The following ZNF326 variants were observed in gnomAD, a reference collection of about 807,000 sequenced individuals.
ZNF326 encodes the protein DBIRD complex subunit ZNF326.
ZNF326 carries 30 observed loss-of-function variants against 63.1 expected under a neutral mutation model. The ratio of observed to expected loss-of-function variants is 0.48; its 90% CI spans 0.36 to 0.64. ZNF326 has a LOEUF of 0.64. Among genes scored for constraint, ZNF326 ranks in the 30% least tolerant of loss-of-function variants. The probability of loss-of-function intolerance (pLI) is 0.00; values close to 1 mark genes in which losing one functional copy is unlikely to be tolerated. For synonymous variants in ZNF326, 194 were observed against 228.2 expected, an observed-to-expected ratio of 0.85 and a Z score of 1.35; for missense variants, 609 against 720.3, an observed-to-expected ratio of 0.85 and a Z score of 1.77.
intron 7 of ZNF326, among the ~76,000 whole-genome samples, chr1:90,013,612 A>G (rs1289191750): frequency 6.6e-6 from 1 of 152,246 alleles, no homozygotes; most frequent in Non-Finnish European, 1.5e-5. Context: ...GAAGAAGAGT[A>G]AATGAGTAGG....
In ZNF326 at chr1:90,034,354, CAA is replaced by C. The variant is rs887795864; in HGVS notation, c.*6654_*6655del. ...ATTATGTAAAGAAAAACTTGGTAAA[CAA>C]GAAATTGTCAAATTTATAATCATAG... On this transcript the variant is annotated 3_prime_UTR_variant, in exon 12 of 12. Coordinates refer to ENST00000340281, the MANE Select transcript of ZNF326 (RefSeq NM_182976.4). The C allele has an allele frequency of 2.0e-5, 3 of 152,070 alleles. No individual in the cohort carries two copies. The highest frequency in any genetic ancestry group is 7.2e-5 in the African/African-American group (3 of 41,434). The allele number at this position is 152,070 out of a possible 1,614,324, so 9.4% of individuals were successfully genotyped here.
chr1:90,005,802 A>G lies in ZNF326; in HGVS notation c.209+558A>G, dbSNP rs1210593990. ...AAAATTATGTTCAGGTTATTTATTGACAGGTACTACTTACACCAAAGCACT... is the reference window on the plus strand; with the variant it reads ...AAAATTATGTTCAGGTTATTTATTGGCAGGTACTACTTACACCAAAGCACT... On this transcript the variant is annotated intron_variant, in intron 4 of 11. Transcript: ENST00000340281. 6.1e-6 allele frequency: 6 copies of G among 985,282 alleles called. No individual in the cohort carries two copies. The South Asian group carries it at 2.3e-4, about 39-fold the overall frequency. 61.0% of individuals were successfully genotyped at this position (985,282 alleles called of 1,614,324 possible). A position where few individuals can be genotyped will look rare whatever the true frequency, so the allele number is the denominator to read the frequency against.
chr1:90,024,790 A>G (rs1649935108), intron 11 of ZNF326, among the ~76,000 whole-genome samples: 1 of 151,948 alleles, frequency 6.6e-6, no homozygotes, highest in Non-Finnish European at 1.5e-5. Flanking sequence ...CACTTCCCAT[A>G]TGCTTATTTC....
rs1466286275 is a variant in ZNF326, at chr1:90,010,134, A to G, written c.662A>G (p.Asp221Gly). 3.7e-6 allele frequency: 6 copies of G among 1,613,736 alleles called. No homozygotes were observed. The highest frequency in any genetic ancestry group is 5.1e-6 in the Non-Finnish European group (6 of 1,179,832). Residue 221 changes from aspartate to glycine, a missense_variant, in exon 6 of 12, where the codon GAC (aspartate) becomes GGC (glycine). This residue lies in a region of ZNF326 where 399 missense variants were observed against 444.3 expected (regional missense o/e 0.90). Transcript: ENST00000340281. ...GSIHRPGIVV[D>G]YQNKSTNVTV... ...ATTCATAGACCCGGAATTGTTGTTG[A>G]CTATCAAAACAAATCCACCAATGTG...
intron 2 of ZNF326, 54 bp downstream of exon 2, chr1:89,998,208 T>C: frequency 6.4e-7 from 1 of 1,563,616 alleles, no homozygotes; most frequent in Non-Finnish European, 8.8e-7. Flanking sequence ...ATAGTATCAA[T>C]GTAAAAGGCC....
At chr1:90,020,749 T>G in intron 9 of ZNF326, 43 bp from the exon 10 acceptor site, 1 of 1,575,182 alleles carries the variant, frequency 6.3e-7, no homozygotes, top group East Asian at 2.3e-5. Context: ...TGGTCAGAAA[T>G]AACATATGAA....
At chr1:89,995,329 CA>C in intron 1 of ZNF326, 56 bp downstream of exon 1, 1 of 1,523,166 alleles carries the variant, frequency 6.6e-7, no homozygotes, top group Non-Finnish European at 8.8e-7. Flanking sequence ...GTGGCCTACG[CA>C]GGGGGTCTGT....
At chr1:90,023,051 C>T (rs182416425) in intron 11 of ZNF326, among the ~76,000 whole-genome samples, 3 of 152,266 alleles carry the variant, frequency 2.0e-5, no homozygotes, top group Admixed American at 1.3e-4. Context: ...CTTTACTCCT[C>T]AGGGTTTTTG....
At position 90,013,182 on chromosome 1, in the gene ZNF326, G is replaced by T. The variant is rs200742612; in HGVS notation, c.871G>T (p.Glu291Ter). The change falls in exon 7 of 12, where the codon GAG becomes TAG. Residue 291 changes from glutamate (E) to a stop codon, truncating the protein, a stop_gained. Coordinates refer to ENST00000340281, the MANE Select transcript of ZNF326 (RefSeq NM_182976.4). LOFTEE classifies it high-confidence loss of function. ...EEKRRIEARREKQRRRREKNS... is the reference protein window; with the variant it reads ...EEKRRIEARR ...AAAGCGGCGAATTGAGGCTCGGCGA[G>T]AGAAACAAAGGCGCAGAAGAGAAAA... The T allele has an allele frequency of 6.2e-7, 1 of 1,612,792 alleles. No homozygotes were observed. Among genetic ancestry groups the T allele is most frequent in the Non-Finnish European group, 8.5e-7 (1 of 1,179,328 alleles).
intron 11 of ZNF326, among the ~76,000 whole-genome samples, chr1:90,023,560 T>A (rs1649871760): frequency 1.3e-5 from 2 of 152,140 alleles, no homozygotes; most frequent in Admixed American, 1.3e-4. Flanking sequence ...GACACTACTT[T>A]AAAAAAATGA....
Position 90,007,793 on chromosome 1 carries a change from T to C in ZNF326, c.615+43T>C. ...TTTTCAGATTCTTTTCACTAGTCAC[T>C]CTTTTAAACCCTTTCAAGACCATCG... is the stretch of plus-strand genomic sequence containing the variant. On this transcript the variant is annotated intron_variant, in intron 5 of 11. Coordinates refer to ENST00000340281, the MANE Select transcript of ZNF326 (RefSeq NM_182976.4). This position sits in a 1 kb window ranked among gnomAD's most constrained non-coding sequence, Gnocchi z 4.9. 6.8e-7 allele frequency: 1 copy of C among 1,466,738 alleles called. No homozygotes were observed. The highest frequency in any genetic ancestry group is 9.1e-7 in the Non-Finnish European group (1 of 1,104,816). 90.9% of individuals were successfully genotyped at this position (1,466,738 alleles called of 1,614,324 possible). A position where few individuals can be genotyped will look rare whatever the true frequency, so the allele number is the denominator to read the frequency against.
chr1:90,017,228 G>T, intron 7 of ZNF326, 89 bp from the exon 8 acceptor site: 1 of 908,848 alleles, frequency 1.1e-6, no homozygotes, highest in Non-Finnish European at 1.6e-6. Context: ...CATTTATGTT[G>T]GTAAAATTAG....
rs1650191537 is a variant in ZNF326, at chr1:90,029,914, G to A, written c.*2213G>A. 1 of 152,130 alleles carries A rather than the reference G, an allele frequency of 6.6e-6. No homozygotes were observed. The highest frequency in any genetic ancestry group is 2.4e-5 in the African/African-American group (1 of 41,420). 9.4% of individuals were successfully genotyped at this position (152,130 alleles called of 1,614,324 possible). A position where few individuals can be genotyped will look rare whatever the true frequency, so the allele number is the denominator to read the frequency against. ...GGCAGTTTACTTTATAGTCAGGTTAGTTTTTGTGATCCTTAGTGTTTATAT... is the reference window on the plus strand; with the variant it reads ...GGCAGTTTACTTTATAGTCAGGTTAATTTTTGTGATCCTTAGTGTTTATAT... On this transcript the variant is annotated 3_prime_UTR_variant, in exon 12 of 12. Coordinates refer to ENST00000340281, the MANE Select transcript of ZNF326 (RefSeq NM_182976.4).
In ZNF326 at chr1:90,020,740, G is replaced by C. The variant is rs187246480; in HGVS notation, c.1175-52G>C. 4.3e-4 allele frequency: 663 copies of C among 1,549,848 alleles called. 2 individuals are homozygous for C. The African/African-American group carries it at 8.3e-3, about 19-fold the overall frequency. On this transcript the variant is annotated intron_variant, in intron 9 of 11. Transcript: ENST00000340281. ...GAAATTAAGTAGTAAAAACTTCATT[G>C]GTCAGAAATAACATATGAATTATTT...
Position 90,028,545 on chromosome 1 carries a change from T to C in ZNF326, c.*844T>C, listed in dbSNP as rs1203427347. 1 of 152,196 alleles carries C rather than the reference T, an allele frequency of 6.6e-6. No individual in the cohort carries two copies. Among genetic ancestry groups the C allele is most frequent in the Non-Finnish European group, 1.5e-5 (1 of 68,032 alleles). The allele number at this position is 152,196 out of a possible 1,614,324, so 9.4% of individuals were successfully genotyped here. The stretch of plus-strand genomic sequence containing the variant: ...CATTTGATACAAAGTTTTCTGTAGT[T>C]GTGTTAGTTCTTTTGTCATGTCTGT... On this transcript the variant is annotated 3_prime_UTR_variant, in exon 12 of 12. Coordinates refer to ENST00000340281, the MANE Select transcript of ZNF326 (RefSeq NM_182976.4).
At chr1:90,004,934 T>C in intron 2 of ZNF326, 69 bp from the exon 3 acceptor site, 1 of 1,344,944 alleles carries the variant, frequency 7.4e-7, no homozygotes. Flanking sequence ...GAATATCTTG[T>C]GTTTTGTGCA....
In ZNF326 at chr1:90,027,398, A is replaced by C; in HGVS notation, c.1446A>C (p.Gln482His). ...FEIQDHSQDQ[Q>H]IEGDEEDEEK... The stretch of plus-strand genomic sequence containing the variant: ...TTCAAGACCATTCTCAGGATCAGCA[A>C]ATAGAAGGAGATGAGGAGGATGAAG... The change falls in exon 12 of 12, where the codon CAA becomes CAC. Residue 482 changes from glutamine to histidine, a missense_variant. Around this residue, in one of 3 missense-constraint regions of ZNF326, gnomAD observed 399 missense variants for 444.3 expected, o/e 0.90. Coordinates refer to ENST00000340281, the MANE Select transcript of ZNF326 (RefSeq NM_182976.4). 6.2e-7 allele frequency: 1 copy of C among 1,613,980 alleles called. No homozygotes were observed. Among genetic ancestry groups the C allele is most frequent in the East Asian group, 2.2e-5 (1 of 44,854 alleles).
chr1:90,022,950 A>C (rs1253670888), intron 11 of ZNF326, among the ~76,000 whole-genome samples: 3 of 152,194 alleles, frequency 2.0e-5, no homozygotes, highest in African/African-American at 7.2e-5. Flanking sequence ...GTTTCTCCAG[A>C]AGAAGGAATC....
At chr1:89,998,293 G>A (rs1648502365) in intron 2 of ZNF326, 139 bp downstream of exon 2, 2 of 697,532 alleles carry the variant, frequency 2.9e-6, no homozygotes, top group African/African-American at 1.8e-5. Context: ...ACTATATATA[G>A]TATTTGAATT....
Sources: gnomAD v4.1 joint callset for allele counts (sites outside exome capture counted in the v4.1 genomes callset) on GRCh38, gnomAD v4.1.1 for gene constraint, gnomAD v4.1.1 regional missense constraint, Gnocchi (gnomAD v3.1) non-coding constraint, MANE v1.5 for transcripts, NCBI Gene and HGNC (gene_info 2026-07-23, HGNC 2026-07-21) for gene names.